Variants in ZNF536 observed in about 807,000 individuals in gnomAD.
ZNF536 encodes the protein zinc finger protein 536.
ZNF536 carries 13 observed loss-of-function variants against 84.5 expected under a neutral mutation model. That is an observed-to-expected ratio of 0.15 (90% CI 0.10 to 0.24). The LOEUF (loss-of-function observed/expected upper bound fraction) is 0.24. Ranked by LOEUF, ZNF536 falls within the 10% of genes least tolerant of loss-of-function variation. The pLI is 1.00. For missense variants in ZNF536, 1,536 were observed against 1,747.5 expected (o/e 0.88, Z 2.16); for synonymous variants, 811 against 742.5 (o/e 1.09, Z -1.50).
At chr19:30,556,835 A>G (rs1250406062) in intron 4 of ZNF536, 1 of 218,628 alleles carries the variant, frequency 4.6e-6, no homozygotes, top group Non-Finnish European at 8.5e-6. Context: ...ACTGCTCAGG[A>G]CCAAGTCTAG....
chr19:30,710,721 G>T (rs2144790017), intron 1 of ZNF536: 1 of 152,306 alleles, frequency 6.6e-6, no homozygotes, highest in East Asian at 1.9e-4. Flanking sequence ...GAAGGTGTGA[G>T]CAACAGTGCT....
intron 1 of ZNF536, among the ~76,000 whole-genome samples, chr19:30,672,176 T>C (rs2050583124): frequency 6.6e-6 from 1 of 152,266 alleles, no homozygotes. Context: ...GCTTCCCCTT[T>C]TATTCTGCAA....
intron 1 of ZNF536, among the ~76,000 whole-genome samples, chr19:30,244,143 A>T (rs911298139): frequency 6.6e-6 from 1 of 152,222 alleles, no homozygotes; most frequent in Non-Finnish European, 1.5e-5. Flanking sequence ...GGTCAATGCT[A>T]GCACTTATTC....
Position 30,383,705 on chromosome 19 carries a change from T to C in ZNF536, c.-3+11149T>C, listed in dbSNP as rs374587266. Reference sequence around the variant, plus strand: ...CTTCCTTCCTTTCTTTTCTTTCTCTTTCTTTCTTTCTTTCTTTCTTTCTTT... The same window carrying C: ...CTTCCTTCCTTTCTTTTCTTTCTCTCTCTTTCTTTCTTTCTTTCTTTCTTT... On this transcript the variant is annotated intron_variant, in intron 1 of 4. Coordinates refer to ENST00000355537, the MANE Select transcript of ZNF536 (RefSeq NM_014717.3). 7.0e-3 allele frequency among the ~76,000 whole-genome samples: 324 copies of C among 46,282 alleles called. 15 individuals are homozygous for C. The highest frequency in any genetic ancestry group is 0.031 in the East Asian group (58 of 1,888). 30.4% of individuals were successfully genotyped at this position (46,282 alleles called of 152,430 possible).
At chr19:30,297,946 T>A (rs1018235906) in intron 2 of ZNF536, among the ~76,000 whole-genome samples, 2 of 148,132 alleles carry the variant, frequency 1.4e-5, no homozygotes, top group African/African-American at 5.1e-5. Context: ...AGTGGTGCGA[T>A]CTTGGCTCAC....
intron 1 of ZNF536, among the ~76,000 whole-genome samples, chr19:30,274,881 T>A (rs778470705): frequency 4.6e-5 from 7 of 152,232 alleles, no homozygotes; most frequent in Non-Finnish European, 8.8e-5. Context: ...TTCATAGATA[T>A]CTTGGGGTTT....
At chr19:30,460,421 C>A (rs1406225029) in intron 2 of ZNF536, among the ~76,000 whole-genome samples, 3 of 152,164 alleles carry the variant, frequency 2.0e-5, no homozygotes, top group Non-Finnish European at 4.4e-5. Flanking sequence ...GCTCAGGATA[C>A]CTGAAGAGGT....
intron 2 of ZNF536, among the ~76,000 whole-genome samples, chr19:30,287,435 ATGG>A (rs1394411255): frequency 5.4e-5 from 8 of 148,042 alleles, no homozygotes; most frequent in Non-Finnish European, 1.0e-4. Context: ...AGACGGATGG[ATGG>A]GTGGATAAAT....
At chr19:30,682,397 C>T (rs1023380971) in intron 1 of ZNF536, among the ~76,000 whole-genome samples, 3 of 152,140 alleles carry the variant, frequency 2.0e-5, no homozygotes, top group Non-Finnish European at 4.4e-5. Context: ...GTGCTGGTCG[C>T]GCGTGCACAC....
chr19:30,301,554 T>C (rs1317800281), intron 2 of ZNF536, among the ~76,000 whole-genome samples: 3 of 152,236 alleles, frequency 2.0e-5, no homozygotes, highest in Non-Finnish European at 4.4e-5. Context: ...AGATGTGCTT[T>C]ATCTTTAAGA....
intron 1 of ZNF536, among the ~76,000 whole-genome samples, chr19:30,626,262 C>T (rs1416875413): frequency 1.3e-5 from 2 of 152,166 alleles, no homozygotes; most frequent in African/African-American, 2.4e-5. Flanking sequence ...CCAGGGGATG[C>T]GTCTTTAAGT....
chr19:30,450,701 G>T (rs556847740), intron 2 of ZNF536, among the ~76,000 whole-genome samples: 1 of 152,188 alleles, frequency 6.6e-6, no homozygotes, highest in African/African-American at 2.4e-5. Context: ...GTCAATTTGG[G>T]GATGACAAAT....
intron 2 of ZNF536, among the ~76,000 whole-genome samples, chr19:30,517,159 T>C (rs1277553140): frequency 2.0e-5 from 3 of 152,204 alleles, no homozygotes; most frequent in Non-Finnish European, 1.5e-5. Flanking sequence ...TAGCGAAGAA[T>C]CAAAGGGTAT....
At chr19:30,268,034 C>CTTCCCCCCGCCTCCCTCCCTTTCT (rs2025608471) in intron 1 of ZNF536, among the ~76,000 whole-genome samples, 1 of 111,102 alleles carries the variant, frequency 9.0e-6, no homozygotes, top group South Asian at 3.2e-4. Context: ...CTTCCATCTT[C>CTTCCCCCCGCCTCCCTCCCTTTCT]CTCCCCCCGC....
chr19:30,662,959 TTTC>T (rs962463528), intron 1 of ZNF536, among the ~76,000 whole-genome samples: 4 of 145,566 alleles, frequency 2.7e-5, no homozygotes, highest in African/African-American at 1.0e-4. Flanking sequence ...TTCTTTTTCG[TTTC>T]TTTTTTTTTT....
chr19:30,655,587 G>A (rs897543318), intron 1 of ZNF536, among the ~76,000 whole-genome samples: 20 of 152,222 alleles, frequency 1.3e-4, no homozygotes, highest in African/African-American at 4.8e-4. Flanking sequence ...AGACATGGGT[G>A]GGAAGGGAAT....
chr19:30,690,836 A>G (rs1282858872), intron 1 of ZNF536, among the ~76,000 whole-genome samples: 25 of 152,228 alleles, frequency 1.6e-4, no homozygotes, highest in Admixed American at 1.6e-3. Context: ...TTAAAACCAA[A>G]GTGAGGAGGA....
chr19:30,374,725 C>T (rs2048742507), intron 1 of ZNF536, among the ~76,000 whole-genome samples: 1 of 151,944 alleles, frequency 6.6e-6, no homozygotes, highest in Non-Finnish European at 1.5e-5. Context: ...CTTCTCGGAC[C>T]GTCTCTGCCC....
At chr19:30,325,391 A>T (rs1357253709) in intron 2 of ZNF536, among the ~76,000 whole-genome samples, 1 of 152,228 alleles carries the variant, frequency 6.6e-6, no homozygotes, top group Non-Finnish European at 1.5e-5. Context: ...GCAAGTCAGC[A>T]GGCCATCATC....
Sources: allele counts gnomAD v4.1 joint callset (sites outside exome capture counted in the v4.1 genomes callset), GRCh38; gene constraint gnomAD v4.1.1; transcripts MANE v1.5; gene names NCBI Gene and HGNC (gene_info 2026-07-23, HGNC 2026-07-21).